Variants in STOX2 observed in about 807,000 individuals in gnomAD.
STOX2 encodes storkhead box 2.
In STOX2, 28 loss-of-function variants were observed where a neutral mutation model predicts 60.9. The ratio of observed to expected loss-of-function variants is 0.46; its 90% confidence interval spans 0.34 to 0.63. The LOEUF (loss-of-function observed/expected upper bound fraction) is 0.63, where lower values mean the gene tolerates loss of function less well. Among genes scored for constraint, STOX2 ranks in the 30% least tolerant of loss-of-function variants. The probability of loss-of-function intolerance (pLI) is 0.01; values close to 1 mark genes in which losing one functional copy is unlikely to be tolerated. For missense variants in STOX2, 1,024 were observed against 1,187.7 expected (o/e 0.86, Z 2.03); for synonymous variants, 472 against 463.9 (o/e 1.02, Z -0.22).
At chr4:183,957,800 C>A (rs749467405) in intron 1 of STOX2, among the ~76,000 whole-genome samples, 2 of 151,896 alleles carry the variant, frequency 1.3e-5, no homozygotes, top group African/African-American at 4.8e-5. Context: ...TCCTTCAGGG[C>A]GGATGGTAGA....
chr4:183,859,797 T>C (rs1740388619), intron 1 of STOX2, among the ~76,000 whole-genome samples: 2 of 152,244 alleles, frequency 1.3e-5, no homozygotes, highest in Admixed American at 1.3e-4. Flanking sequence ...CCGAACTGAA[T>C]GGATTTTTTT....
At chr4:183,919,171 A>G (rs549548243) in intron 1 of STOX2, among the ~76,000 whole-genome samples, 2 of 152,308 alleles carry the variant, frequency 1.3e-5, no homozygotes, top group African/African-American at 2.4e-5. Flanking sequence ...TTGTTTTTCC[A>G]TATGGTGTAC....
chr4:183,985,241 G>T (rs909163943), intron 1 of STOX2, among the ~76,000 whole-genome samples: 1 of 151,988 alleles, frequency 6.6e-6, no homozygotes, highest in Non-Finnish European at 1.5e-5. Flanking sequence ...ACATTTTTTT[G>T]TTTACAGTGG....
intron 1 of STOX2, among the ~76,000 whole-genome samples, chr4:183,991,724 A>G (rs1484091604): frequency 6.6e-6 from 1 of 152,094 alleles, no homozygotes. Flanking sequence ...GCGCCCGGCC[A>G]GGGAAGATAT....
intron 1 of STOX2, among the ~76,000 whole-genome samples, chr4:183,847,677 G>A (rs1231283457): frequency 6.6e-6 from 1 of 152,110 alleles, no homozygotes; most frequent in Admixed American, 6.6e-5. Flanking sequence ...AGGTTAAAAT[G>A]CCATAAATCT....
chr4:183,990,805 A>AAT (rs1321315122), intron 1 of STOX2, among the ~76,000 whole-genome samples: 1 of 151,872 alleles, frequency 6.6e-6, no homozygotes, highest in African/African-American at 2.4e-5. Flanking sequence ...GTAAAGGACA[A>AAT]ATGAGCATGT....
intron 1 of STOX2, among the ~76,000 whole-genome samples, chr4:183,805,115 A>G (rs1259158756): frequency 2.0e-5 from 3 of 152,190 alleles, no homozygotes; most frequent in East Asian, 3.8e-4. Flanking sequence ...TATACAAACT[A>G]TTTGCTGCAA....
At chr4:183,968,984 C>T (rs573296897) in intron 1 of STOX2, among the ~76,000 whole-genome samples, 10 of 152,304 alleles carry the variant, frequency 6.6e-5, no homozygotes, top group South Asian at 2.1e-4. Flanking sequence ...TAATAGGATA[C>T]GGTATCACAT....
chr4:183,867,713 C>A (rs548170686), intron 1 of STOX2, among the ~76,000 whole-genome samples: 23 of 152,320 alleles, frequency 1.5e-4, no homozygotes, highest in African/African-American at 5.5e-4. Flanking sequence ...TTGGCGTGTG[C>A]AATCACTTTT....
intron 1 of STOX2, among the ~76,000 whole-genome samples, chr4:183,933,559 T>C (rs1397198303): frequency 6.6e-6 from 1 of 152,118 alleles, no homozygotes; most frequent in Admixed American, 6.5e-5. Flanking sequence ...AGGCTAACTT[T>C]TGTATTTTTA....
intron 1 of STOX2, among the ~76,000 whole-genome samples, chr4:183,799,588 C>T (rs1299351267): frequency 2.0e-5 from 3 of 152,068 alleles, no homozygotes; most frequent in African/African-American, 7.2e-5. Context: ...CCACCGTGTA[C>T]TCAACGTTCC....
chr4:183,994,176 AGT>A (rs1312948616), intron 1 of STOX2, among the ~76,000 whole-genome samples: 1 of 152,190 alleles, frequency 6.6e-6, no homozygotes, highest in East Asian at 1.9e-4. Flanking sequence ...TTTTCTGAAG[AGT>A]GTGCGGAGAG....
chr4:183,807,558 C>T (rs1738933640), intron 1 of STOX2, among the ~76,000 whole-genome samples: 1 of 152,190 alleles, frequency 6.6e-6, no homozygotes, highest in Non-Finnish European at 1.5e-5. Context: ...TGGGTGACAC[C>T]TTCTCTAGGG....
At chr4:183,947,340 G>A (rs997984082) in intron 1 of STOX2, among the ~76,000 whole-genome samples, 6 of 151,974 alleles carry the variant, frequency 3.9e-5, no homozygotes, top group Non-Finnish European at 8.8e-5. Context: ...TATGGAGCTC[G>A]CAGAGGGCTG....
intron 1 of STOX2, among the ~76,000 whole-genome samples, chr4:183,940,335 T>C (rs539312993): frequency 6.6e-6 from 1 of 152,352 alleles, no homozygotes; most frequent in South Asian, 2.1e-4. Flanking sequence ...GGTTACTCAT[T>C]AGTGAGACCC....
chr4:183,884,144 G>A (rs1434942615), intron 1 of STOX2, among the ~76,000 whole-genome samples: 1 of 152,206 alleles, frequency 6.6e-6, no homozygotes, highest in African/African-American at 2.4e-5. Context: ...GCGAGCCACT[G>A]CGCCTGGCCC....
intron 1 of STOX2, among the ~76,000 whole-genome samples, chr4:183,849,503 GA>G (rs1257988150): frequency 6.6e-6 from 1 of 152,230 alleles, no homozygotes; most frequent in East Asian, 1.9e-4. Context: ...ACAGGGCTTG[GA>G]AAGAAGACAA....
chr4:183,929,064 T>C (rs1162839877), intron 1 of STOX2, among the ~76,000 whole-genome samples: 2 of 152,252 alleles, frequency 1.3e-5, no homozygotes, highest in African/African-American at 2.4e-5. Flanking sequence ...ACTTGCCGTC[T>C]TAATTTTAAT....
chr4:184,014,320 C>G (rs1376394391), intron 3 of STOX2: 2 of 152,000 alleles, frequency 1.3e-5, no homozygotes, highest in Non-Finnish European at 2.9e-5. Flanking sequence ...AATGAAAAGT[C>G]TTGACGTGAG....
Sources: gnomAD v4.1 joint callset for allele counts (sites outside exome capture counted in the v4.1 genomes callset) on GRCh38, gnomAD v4.1.1 for gene constraint, MANE v1.5 for transcripts, NCBI Gene and HGNC (gene_info 2026-07-23, HGNC 2026-07-21) for gene names.